The following TFAP2E variants were observed in gnomAD, a reference collection of about 807,000 sequenced individuals.
TFAP2E encodes transcription factor AP-2-epsilon.
Under a neutral mutation model 37.9 loss-of-function variants are expected in TFAP2E, and 30 were observed. The observed-to-expected ratio is 0.79, with a 90% CI of 0.59 to 1.07. TFAP2E has a LOEUF of 1.07. TFAP2E is among the 50% of genes least tolerant of loss of function. The probability of loss-of-function intolerance (pLI) is 0.00; values close to 1 mark genes in which losing one functional copy is unlikely to be tolerated. For missense variants in TFAP2E, 567 were observed against 637.9 expected (o/e 0.89, Z 1.20); for synonymous variants, 318 against 295.8 (o/e 1.08, Z -0.77).
At chr1:35,586,830 C>T (rs996741910) in intron 3 of TFAP2E, among the ~76,000 whole-genome samples, 1 of 152,140 alleles carries the variant, frequency 6.6e-6, no homozygotes, top group South Asian at 2.1e-4. Flanking sequence ...GCTAGCCTTT[C>T]CTACTTTTGT....
chr1:35,589,787 GA>G (rs1441544825), intron 4 of TFAP2E, 142 bp from the exon 5 acceptor site: 1 of 783,688 alleles, frequency 1.3e-6, no homozygotes, highest in East Asian at 2.6e-5. Flanking sequence ...CTTGCTGAAA[GA>G]GACCTCAGAG....
Position 35,590,633 on chromosome 1 carries a change from G to A in TFAP2E, c.905-1G>A, listed in dbSNP as rs1460706342. ...AGTAGTGACAGCTCCCCTCCCCCCA[G>A]GAGAGGCCGTGCACCTGGCCCGAGA... On this transcript the variant is annotated splice_acceptor_variant, in intron 5 of 6. Transcript: ENST00000373235. LOFTEE classifies it high-confidence loss of function. The surrounding 1 kb of genome is among the most constrained non-coding windows in gnomAD (Gnocchi z 6.2). 1.3e-6 allele frequency: 2 copies of A among 1,489,592 alleles called. No individual in the cohort carries two copies. The highest frequency in any genetic ancestry group is 1.8e-6 in the Non-Finnish European group (2 of 1,107,660). 92.3% of individuals were successfully genotyped at this position (1,489,592 alleles called of 1,614,324 possible). A position where few individuals can be genotyped will look rare whatever the true frequency, so the allele number is the denominator to read the frequency against.
In TFAP2E at chr1:35,594,808, C is replaced by A. The variant is rs1649785870; in HGVS notation, c.*132C>A. ...GAAAGAGAACATTCATCCAGAGATC[C>A]CAGAGTTGGGGATCTGGCTTGGAGT... On this transcript the variant is annotated 3_prime_UTR_variant, in exon 7 of 7. Coordinates refer to ENST00000373235, the MANE Select transcript of TFAP2E (RefSeq NM_178548.4). 2.2e-6 allele frequency: 3 copies of A among 1,389,340 alleles called. No homozygotes were observed. Among genetic ancestry groups the A allele is most frequent in the Non-Finnish European group, 2.9e-6 (3 of 1,030,824 alleles). 86.1% of individuals were successfully genotyped at this position (1,389,340 alleles called of 1,614,324 possible).
chr1:35,592,769 GC>G (rs1286003581), intron 6 of TFAP2E, among the ~76,000 whole-genome samples: 2 of 152,140 alleles, frequency 1.3e-5, no homozygotes, highest in African/African-American at 4.8e-5. Flanking sequence ...TCAGGTGAGG[GC>G]CTGCTTTCTG....
intron 3 of TFAP2E, among the ~76,000 whole-genome samples, chr1:35,587,653 A>AAAAAGG (rs796133136): frequency 3.4e-5 from 5 of 147,724 alleles, no homozygotes; most frequent in African/African-American, 1.3e-4. Flanking sequence ...AAAAAAAAAA[A>AAAAAGG]AAAGAAAGAA....
chr1:35,592,300 C>T (rs1399161046), intron 6 of TFAP2E, among the ~76,000 whole-genome samples: 2 of 149,632 alleles, frequency 1.3e-5, no homozygotes, highest in Non-Finnish European at 3.0e-5. Flanking sequence ...AAAAAAAAGG[C>T]GAAAGATTTA....
intron 3 of TFAP2E, among the ~76,000 whole-genome samples, chr1:35,587,496 G>T (rs538531681): frequency 4.5e-4 from 69 of 151,988 alleles, no homozygotes; most frequent in Non-Finnish European, 8.5e-4. Flanking sequence ...AAATTAGCCA[G>T]GCGTGGTGGT....
chr1:35,588,955 T>G lies in TFAP2E; in HGVS notation c.785+403T>G, dbSNP rs1372803971. Among the ~76,000 whole-genome samples the G allele has an allele frequency of 6.6e-6, 1 of 152,140 alleles. No individual in the cohort carries two copies. The highest frequency in any genetic ancestry group is 1.5e-5 in the Non-Finnish European group (1 of 68,028). ...TGTTTTGGGGTGTGGAGCATGGTAG[T>G]CCATGGTTCATCTTCCTAGACCTGT... is the stretch of plus-strand genomic sequence containing the variant. On this transcript the variant is annotated intron_variant, in intron 4 of 6. Transcript: ENST00000373235. The surrounding 1 kb of genome is among the most constrained non-coding windows in gnomAD (Gnocchi z 5.1).
intron 2 of TFAP2E, 136 bp from the exon 3 acceptor site, chr1:35,574,813 G>T: frequency 8.7e-7 from 1 of 1,145,766 alleles, no homozygotes; most frequent in Non-Finnish European, 1.3e-6. Context: ...CGATTCCTGG[G>T]CCTGCCCGTC....
intron 3 of TFAP2E, among the ~76,000 whole-genome samples, chr1:35,582,125 A>T (rs1571102314): frequency 1.4e-5 from 2 of 146,582 alleles, no homozygotes; most frequent in Admixed American, 6.8e-5. Context: ...TGATCCATCC[A>T]CCTCAGCCTC....
At chr1:35,586,198 G>A (rs1199631215) in intron 3 of TFAP2E, among the ~76,000 whole-genome samples, 1 of 152,200 alleles carries the variant, frequency 6.6e-6, no homozygotes, top group Non-Finnish European at 1.5e-5. Flanking sequence ...GGAGGGTGAA[G>A]GAGGCCATTG....
downstream of TFAP2E, chr1:35,595,393 C>T (rs1178907198): frequency 1.4e-5 from 2 of 141,688 alleles, no homozygotes; most frequent in Non-Finnish European, 3.1e-5. Context: ...TGGCCATACA[C>T]TGATATGTCC....
At chr1:35,591,046 C>A (rs1355092073) in intron 6 of TFAP2E, among the ~76,000 whole-genome samples, 3 of 152,150 alleles carry the variant, frequency 2.0e-5, no homozygotes, top group African/African-American at 4.8e-5. Context: ...GCAGTGAGCA[C>A]ACACACGTAC....
chr1:35,574,981 C>T lies in TFAP2E; in HGVS notation c.543C>T (p.Asp181=), dbSNP rs1339217478. The T allele has an allele frequency of 1.9e-6, 3 of 1,614,006 alleles. No homozygotes were observed. Among genetic ancestry groups the T allele is most frequent in the Non-Finnish European group, 2.5e-6 (3 of 1,180,000 alleles). The stretch of plus-strand genomic sequence containing the variant: ...ACGAGCCGGGAATGAGCCTCCTAGA[C>T]CAGTCCGTGATCAAGAAAGGTAAGG... The part of the protein sequence containing the change: ...AMDEPGMSLL[D]QSVIKKVPIP... The change falls in exon 3 of 7, where the codon GAC becomes GAT. Residue 181 remains aspartate (D), a synonymous_variant. Coordinates refer to ENST00000373235, the MANE Select transcript of TFAP2E (RefSeq NM_178548.4).
In TFAP2E at chr1:35,575,048, C is replaced by T; in HGVS notation, c.562+48C>T. 3 of 1,610,080 alleles carry T rather than the reference C, an allele frequency of 1.9e-6. No individual in the cohort carries two copies. The South Asian group carries it at 3.3e-5, about 18-fold the overall frequency. ...AGAGCCCGGCGAGATGGTGCAGGCC[C>T]TTGGTGCACAGATCCATTTTCTTCA... On this transcript the variant is annotated intron_variant, in intron 3 of 6. Transcript: ENST00000373235.
chr1:35,593,142 C>G (rs543610595), intron 6 of TFAP2E, among the ~76,000 whole-genome samples: 25 of 152,094 alleles, frequency 1.6e-4, no homozygotes, highest in African/African-American at 6.0e-4. Flanking sequence ...CCCAGGAGTT[C>G]AAGGCCAGCC....
intron 6 of TFAP2E, among the ~76,000 whole-genome samples, chr1:35,591,420 T>C (rs1649677011): frequency 6.6e-6 from 1 of 152,096 alleles, no homozygotes; most frequent in African/African-American, 2.4e-5. Context: ...TCCAGTGACG[T>C]CCATCAGGCC....
At chr1:35,583,886 G>T (rs933544316) in intron 3 of TFAP2E, among the ~76,000 whole-genome samples, 4 of 152,138 alleles carry the variant, frequency 2.6e-5, no homozygotes, top group African/African-American at 7.2e-5. Flanking sequence ...AGGGACAGGT[G>T]GGGGAAGCAG....
intron 6 of TFAP2E, among the ~76,000 whole-genome samples, chr1:35,592,925 C>G (rs1276560712): frequency 6.6e-6 from 1 of 152,210 alleles, no homozygotes. Context: ...GTCCTCACCT[C>G]CTAATACTAT....
Sources: gnomAD v4.1 joint callset for allele counts (sites outside exome capture counted in the v4.1 genomes callset) on GRCh38, gnomAD v4.1.1 for gene constraint, Gnocchi (gnomAD v3.1) non-coding constraint, MANE v1.5 for transcripts, NCBI Gene and HGNC (gene_info 2026-07-23, HGNC 2026-07-21) for gene names.